Variants in RUNX3 observed in about 807,000 individuals in gnomAD.
RUNX3 encodes RUNX family transcription factor 3.
A neutral mutation model predicts 27.7 loss-of-function variants in RUNX3; 10 were observed. The observed-to-expected ratio is 0.36, with a 90% CI of 0.22 to 0.61. The LOEUF is 0.61. RUNX3 is among the 20% of genes least tolerant of loss of function. RUNX3 has a pLI of 0.72. For synonymous variants in RUNX3, 270 were observed against 269.2 expected (o/e 1.00, Z -0.03); for missense variants, 469 against 629.5 (o/e 0.75, Z 2.73).
intron 2 of RUNX3, among the ~76,000 whole-genome samples, chr1:24,922,391 T>C (rs1641016941): frequency 6.6e-6 from 1 of 152,102 alleles, no homozygotes; most frequent in Non-Finnish European, 1.5e-5. Context: ...TACAATTGTA[T>C]TGTCCCTAAC....
intron 2 of RUNX3, among the ~76,000 whole-genome samples, chr1:24,957,884 G>A (rs893405558): frequency 4.6e-5 from 7 of 152,224 alleles, no homozygotes; most frequent in Non-Finnish European, 1.0e-4. Flanking sequence ...TGCAGCTGAG[G>A]CTTATAGCCG....
Position 24,902,664 on chromosome 1 carries a change from T to C in RUNX3, c.706A>G (p.Thr236Ala). The change falls in exon 5 of 5, where the codon ACC (threonine) becomes GCC (alanine). Residue 236 changes from threonine to alanine, a missense_variant and splice_region_variant. Around this residue, in one of 3 missense-constraint regions of RUNX3, gnomAD observed 279 missense variants for 343.0 expected, o/e 0.81. Transcript: ENST00000308873. This position sits in a 1 kb window ranked among gnomAD's most constrained non-coding sequence, Gnocchi z 9.2. ...TCGGAGAATGGGTTCAGTTCCGAGG[T>C]GCCTGGAGGACAGCAGGGAAGAGGT... ...SSQPQTPIQG[T>A]SELNPFSDPR... 5 of 1,514,238 alleles carry C rather than the reference T, an allele frequency of 3.3e-6. No homozygotes were observed. Among genetic ancestry groups the C allele is most frequent in the Non-Finnish European group, 4.4e-6 (5 of 1,129,736 alleles). 93.8% of individuals were successfully genotyped at this position (1,514,238 alleles called of 1,614,324 possible). A position where few individuals can be genotyped will look rare whatever the true frequency, so the allele number is the denominator to read the frequency against.
chr1:24,964,689 G>A (rs1571380742), intron 1 of RUNX3: 2 of 1,510,392 alleles, frequency 1.3e-6, no homozygotes, highest in African/African-American at 2.8e-5. Context: ...TAAAAGGGGG[G>A]GGTGTTGCTT....
intron 2 of RUNX3, among the ~76,000 whole-genome samples, chr1:24,941,050 A>G (rs1361782830): frequency 6.6e-6 from 1 of 152,248 alleles, no homozygotes; most frequent in African/African-American, 2.4e-5. Flanking sequence ...TCAAATGTGC[A>G]TAATATCGTA....
intron 3 of RUNX3, among the ~76,000 whole-genome samples, chr1:24,918,550 A>G (rs1640932874): frequency 1.3e-5 from 2 of 152,178 alleles, no homozygotes; most frequent in Admixed American, 1.3e-4. Context: ...GAGCTCAGGA[A>G]GCTGGCTGGC....
intron 2 of RUNX3, 32 bp from the exon 3 acceptor site, chr1:24,919,376 T>A: frequency 6.7e-7 from 1 of 1,482,526 alleles, no homozygotes; most frequent in Non-Finnish European, 9.4e-7. Context: ...GGCAGGTGGT[T>A]GGCACCTGGA....
At chr1:24,964,470 T>C (rs778448327) in intron 2 of RUNX3, 33 of 1,535,668 alleles carry the variant, frequency 2.1e-5, no homozygotes, top group Non-Finnish European at 8.0e-6. Flanking sequence ...GTCCGGGGCC[T>C]GGCCACAGCT....
chr1:24,947,374 C>T (rs572160182), intron 2 of RUNX3, among the ~76,000 whole-genome samples: 7 of 152,336 alleles, frequency 4.6e-5, no homozygotes, highest in South Asian at 2.1e-4. Context: ...TCACCCTCTC[C>T]GTCTGTGAAA....
chr1:24,964,730 T>C, intron 1 of RUNX3: 2 of 1,466,708 alleles, frequency 1.4e-6, no homozygotes, highest in Non-Finnish European at 9.0e-7. Flanking sequence ...TTTTGTCTCT[T>C]TTTTCCCCCC....
At chr1:24,956,763 T>C (rs1198325573) in intron 2 of RUNX3, among the ~76,000 whole-genome samples, 1 of 152,194 alleles carries the variant, frequency 6.6e-6, no homozygotes, top group East Asian at 1.9e-4. Context: ...CCCAGGCAAG[T>C]TGGGTTTGGG....
exon 2 of RUNX3, chr1:24,964,591 G>A (rs567757961): frequency 2.8e-5 from 45 of 1,604,052 alleles, no homozygotes; most frequent in South Asian, 2.5e-4. Context: ...TGAAGAAGGC[G>A]AGAATTTTCA....
intron 2 of RUNX3, among the ~76,000 whole-genome samples, chr1:24,938,663 G>C (rs1641403871): frequency 6.6e-6 from 1 of 152,200 alleles, no homozygotes; most frequent in South Asian, 2.1e-4. Flanking sequence ...CACCCCCATT[G>C]TGATGGTATT....
At chr1:24,926,373 C>T (rs1015412261) in intron 2 of RUNX3, among the ~76,000 whole-genome samples, 8 of 152,154 alleles carry the variant, frequency 5.3e-5, no homozygotes, top group African/African-American at 1.9e-4. Flanking sequence ...TTAAGGGCAC[C>T]GTTTGAAAGA....
rs925465835 is a variant in RUNX3, at chr1:24,923,703, G to A, written c.439+3871C>T. On this transcript the variant is annotated intron_variant, in intron 2 of 4. Coordinates refer to ENST00000308873, the MANE Select transcript of RUNX3 (RefSeq NM_004350.3). This position sits in a 1 kb window ranked among gnomAD's most constrained non-coding sequence, Gnocchi z 5.9. ...AGCTGCATGGGTGGGGGGAGGGGACGTGTCTCAGTCTCAGGGGACCTCGGG... is the reference window on the plus strand; with the variant it reads ...AGCTGCATGGGTGGGGGGAGGGGACATGTCTCAGTCTCAGGGGACCTCGGG... Among the ~76,000 whole-genome samples, 4 of 152,124 alleles carry A rather than the reference G, an allele frequency of 2.6e-5. No homozygotes were observed. The highest frequency in any genetic ancestry group is 6.5e-5 in the Admixed American group (1 of 15,272).
In RUNX3 at chr1:24,902,256, C is replaced by A; in HGVS notation, c.1114G>T (p.Ala372Ser). Reference sequence around the variant, plus strand: ...CTGGGGTTCATGAGGTTGCCGGCGGCGACAGAGGCAGCGCTGCTGGTGCAA... The same window carrying A: ...CTGGGGTTCATGAGGTTGCCGGCGGAGACAGAGGCAGCGCTGCTGGTGCAA... ...ASCTSSAASV[A>S]AGNLMNPSLG... The change falls in exon 5 of 5, where the codon GCC (alanine) becomes TCC (serine). Residue 372 changes from alanine to serine, a missense_variant. Around this residue, in one of 3 missense-constraint regions of RUNX3, gnomAD observed 279 missense variants for 343.0 expected, o/e 0.81. Coordinates refer to ENST00000308873, the MANE Select transcript of RUNX3 (RefSeq NM_004350.3). The surrounding 1 kb of genome is among the most constrained non-coding windows in gnomAD (Gnocchi z 9.2). 1 of 1,587,812 alleles carries A rather than the reference C, an allele frequency of 6.3e-7. No homozygotes were observed.
intron 3 of RUNX3, among the ~76,000 whole-genome samples, chr1:24,917,897 C>T (rs938196454): frequency 2.0e-5 from 3 of 152,140 alleles, no homozygotes; most frequent in Non-Finnish European, 4.4e-5. Flanking sequence ...AAAACTGAGG[C>T]CACAAAGAAG....
chr1:24,959,246 G>A (rs1365645117), intron 2 of RUNX3, among the ~76,000 whole-genome samples: 1 of 152,208 alleles, frequency 6.6e-6, no homozygotes, highest in Non-Finnish European at 1.5e-5. Context: ...CGCCAGAGTG[G>A]GTGCGGTGAG....
chr1:24,911,170 G>A (rs1018450871), intron 3 of RUNX3, among the ~76,000 whole-genome samples: 1 of 152,248 alleles, frequency 6.6e-6, no homozygotes, highest in Admixed American at 6.5e-5. Flanking sequence ...GAAGCCTGCC[G>A]GGTGGACGTG....
At chr1:24,948,157 A>G (rs1280994675) in intron 2 of RUNX3, among the ~76,000 whole-genome samples, 1 of 152,044 alleles carries the variant, frequency 6.6e-6, no homozygotes, top group Non-Finnish European at 1.5e-5. Context: ...GTGTCTGGGG[A>G]CCCCCAGGAA....
Sources: gnomAD v4.1 joint callset for allele counts (sites outside exome capture counted in the v4.1 genomes callset) on GRCh38, gnomAD v4.1.1 for gene constraint, gnomAD v4.1.1 regional missense constraint, Gnocchi (gnomAD v3.1) non-coding constraint, MANE v1.5 for transcripts, NCBI Gene and HGNC (gene_info 2026-07-23, HGNC 2026-07-21) for gene names.